Variants in CLCN1 observed in about 807,000 individuals in gnomAD.
CLCN1 encodes chloride channel protein 1.
A neutral mutation model predicts 114.5 loss-of-function variants in CLCN1; 100 were observed. The observed-to-expected ratio is 0.87, with a 90% confidence interval of 0.74 to 1.03. The LOEUF is 1.03. Among genes scored for constraint, CLCN1 ranks in the 50% least tolerant of loss-of-function variants. The pLI is 0.00. For missense variants in CLCN1, 1,188 were observed against 1,250.0 expected (o/e 0.95, Z 0.75); for synonymous variants, 485 against 487.1 (o/e 1.00, Z 0.06).
rs2367941 is a variant in CLCN1, at chr7:143,332,278, G to T, written c.1167-141G>T. ...CCACCGCACTCGGCCTCAAATATTGGTTTTTTGTGTGAAGAGAATCTTTTT... is the reference window on the plus strand; with the variant it reads ...CCACCGCACTCGGCCTCAAATATTGTTTTTTTGTGTGAAGAGAATCTTTTT... On this transcript the variant is annotated intron_variant, in intron 10 of 22. Coordinates refer to ENST00000343257, the MANE Select transcript of CLCN1 (RefSeq NM_000083.3). 0.87 allele frequency: 690,967 copies of T among 795,802 alleles called. 300,352 individuals carry two copies. The highest frequency in any genetic ancestry group is 0.93 in the African/African-American group (55,345 of 59,194). 49.3% of individuals were successfully genotyped at this position (795,802 alleles called of 1,614,324 possible).
intron 7 of CLCN1, among the ~76,000 whole-genome samples, chr7:143,327,733 CAACCTCT>C (rs1204099800): frequency 1.3e-5 from 2 of 152,194 alleles, no homozygotes; most frequent in Non-Finnish European, 2.9e-5. Flanking sequence ...TGGCTCACTG[CAACCTCT>C]GTCTCCTGGG....
intron 20 of CLCN1, among the ~76,000 whole-genome samples, chr7:143,348,198 A>G (rs1373034185): frequency 6.6e-6 from 1 of 152,134 alleles, no homozygotes; most frequent in Non-Finnish European, 1.5e-5. Flanking sequence ...CCCTCAAAAC[A>G]CACACACTTC....
Position 143,342,451 on chromosome 7 carries a change from C to T in CLCN1, c.1876C>T (p.Arg626Ter), listed in dbSNP as rs201894078. The change falls in exon 16 of 23, where the codon CGA (arginine) becomes TGA (stop). Residue 626 changes from arginine to a stop codon, truncating the protein, a stop_gained. Coordinates refer to ENST00000343257, the MANE Select transcript of CLCN1 (RefSeq NM_000083.3). LOFTEE classifies it high-confidence loss of function. ...VSASYTYGELRTLLQTTTVKT... is the reference protein window; with the variant it reads ...VSASYTYGEL ...AGCTTCTTACACATATGGGGAGTTGCGAACCCTGCTCCAGACCACCACAGT... is the reference window on the plus strand; with the variant it reads ...AGCTTCTTACACATATGGGGAGTTGTGAACCCTGCTCCAGACCACCACAGT... The T allele has an allele frequency of 6.2e-6, 10 of 1,613,888 alleles. No homozygotes were observed. Among genetic ancestry groups the T allele is most frequent in the East Asian group, 4.5e-5 (2 of 44,874 alleles).
At chr7:143,331,179 C>T (rs1802713117) in intron 8 of CLCN1, 53 bp from the exon 9 acceptor site, 1 of 1,315,654 alleles carries the variant, frequency 7.6e-7, no homozygotes, top group African/African-American at 1.4e-5. Flanking sequence ...CTCTGTTTCC[C>T]TGTTGGGTTT....
intron 16 of CLCN1, among the ~76,000 whole-genome samples, chr7:143,343,818 TTC>T (rs1803155117): frequency 2.7e-5 from 4 of 150,794 alleles, no homozygotes; most frequent in East Asian, 2.0e-4. Context: ...CCCTCTCTCT[TTC>T]TCTCTCTCTC....
chr7:143,342,390 T>C lies in CLCN1; in HGVS notation c.1815T>C (p.Val605=), dbSNP rs141945240. The C allele has an allele frequency of 2.7e-4, 428 of 1,614,166 alleles. 1 individual carries two copies. The African/African-American group carries it at 2.7e-3, about 10-fold the overall frequency. The change falls in exon 16 of 23, where the codon GTT becomes GTC. Residue 605 remains valine (V), a synonymous_variant. Transcript: ENST00000343257. ...TCCATAGCAAATATACCATCTTTGT[T>C]GAGGACATCATGGTACGTGATGTGA... The part of the protein sequence containing the change: ...WNQLSKYTIF[V]EDIMVRDVKF...
At chr7:143,335,678 G>GTTTTTTT (rs1802862742) in intron 12 of CLCN1, among the ~76,000 whole-genome samples, 1 of 72,902 alleles carries the variant, frequency 1.4e-5, no homozygotes. Flanking sequence ...TTTTTTTTTT[G>GTTTTTTT]ATTCGGAATC....
rs775295032 is a variant in CLCN1 at position 143,321,821 on chromosome 7, G to A, written c.669G>A (p.Leu223=). 6.2e-7 allele frequency: 1 copy of A among 1,614,216 alleles called. No individual in the cohort carries two copies. Among genetic ancestry groups the A allele is most frequent in the South Asian group, 1.1e-5 (1 of 91,082 alleles). ...AGGTTGTCGCCCTGACTGCGGGCCT[G>A]GGCAGTGGCATCCCCGTGGGGAAAG... ...VAKVVALTAG[L]GSGIPVGKEG... Residue 223 remains leucine (L), a synonymous_variant, in exon 5 of 23, where the codon CTG becomes CTA. Transcript: ENST00000343257. This position sits in a 1 kb window ranked among gnomAD's most constrained non-coding sequence, Gnocchi z 4.2.
intron 11 of CLCN1, 32 bp downstream of exon 11, chr7:143,332,535 G>A: frequency 6.4e-7 from 1 of 1,574,224 alleles, no homozygotes; most frequent in Non-Finnish European, 8.7e-7. Context: ...ATGGTAAAGA[G>A]GAAACAGCAC....
Position 143,346,186 on chromosome 7 carries a change from C to T in CLCN1, c.2219C>T (p.Ser740Phe), listed in dbSNP as rs139262486. 1.2e-6 allele frequency: 2 copies of T among 1,613,666 alleles called. No homozygotes were observed. The highest frequency in any genetic ancestry group is 4.5e-5 in the East Asian group (2 of 44,834). The part of the protein sequence containing the change: ...ALHPSTTAPL[S>F]PEEPNGPLPG... ...CACCCCTCTACTACTGCCCCTCTGT[C>T]CCCAGAAGAGCCCAATGGGCCTCTG... The change falls in exon 18 of 23, where the codon TCC becomes TTC. Residue 740 changes from serine to phenylalanine, a missense_variant. Physicochemically the swap from Ser to Phe is radical, Grantham distance 155 (BLOSUM62 -2). Transcript: ENST00000343257.
At position 143,345,547 on chromosome 7, in the gene CLCN1, G is replaced by C; in HGVS notation, c.1957G>C (p.Glu653Gln). The C allele has an allele frequency of 6.5e-7, 1 of 1,540,748 alleles. No individual in the cohort carries two copies. Among genetic ancestry groups the C allele is most frequent in the Non-Finnish European group, 8.8e-7 (1 of 1,139,510 alleles). ...KDSMILLGSVERSELQALLQR... is the reference protein window; with the variant it reads ...KDSMILLGSVQRSELQALLQR... Reference sequence around the variant, plus strand: ...TTCAATGATCCTGCTGGGCTCGGTGGAGCGGTCGGAACTGCAGGCCCTCCT... The same window carrying C: ...TTCAATGATCCTGCTGGGCTCGGTGCAGCGGTCGGAACTGCAGGCCCTCCT... Residue 653 changes from glutamate (E) to glutamine (Q), a missense_variant, in exon 17 of 23, where the codon GAG becomes CAG. Glu to Gln is a conservative substitution (Grantham distance 29, BLOSUM62 2). Coordinates refer to ENST00000343257, the MANE Select transcript of CLCN1 (RefSeq NM_000083.3).
intron 1 of CLCN1, among the ~76,000 whole-genome samples, chr7:143,317,953 T>C (rs898593758): frequency 6.6e-6 from 1 of 152,228 alleles, no homozygotes; most frequent in Non-Finnish European, 1.5e-5. Flanking sequence ...TGGCACTTCC[T>C]GATGACAGTT....
chr7:143,317,567 T>G (rs920351359), intron 1 of CLCN1, among the ~76,000 whole-genome samples: 1 of 151,288 alleles, frequency 6.6e-6, no homozygotes, highest in South Asian at 2.1e-4. Context: ...CTTAAAAGGC[T>G]TTTTTTTCTT....
chr7:143,329,600 A>G (rs1802668592), intron 7 of CLCN1, among the ~76,000 whole-genome samples: 1 of 152,178 alleles, frequency 6.6e-6, no homozygotes, highest in Non-Finnish European at 1.5e-5. Context: ...GCCTTTGAAT[A>G]TAGCACAGGG....
rs1803298986 is a variant in CLCN1 at position 143,347,885 on chromosome 7, CAG to C, written c.2403+938_2403+939del. Among the ~76,000 whole-genome samples the C allele has an allele frequency of 4.6e-5, 7 of 152,152 alleles. No homozygotes were observed. The South Asian group carries it at 1.5e-3, about 32-fold the overall frequency. ...AATGTGCTTGGTTGTCAGGAGGGAA[CAG>C]AATGTGGACTAGTGATTGGAAGCAG... On this transcript the variant is annotated intron_variant, in intron 20 of 22. Coordinates refer to ENST00000343257, the MANE Select transcript of CLCN1 (RefSeq NM_000083.3).
chr7:143,323,417 C>T (rs1802496863), intron 6 of CLCN1, 31 bp downstream of exon 6: 2 of 1,496,544 alleles, frequency 1.3e-6, no homozygotes, highest in African/African-American at 2.8e-5. Context: ...TGAGCTGGGG[C>T]CAGGTGGTAG....
intron 12 of CLCN1, among the ~76,000 whole-genome samples, chr7:143,337,997 A>T (rs1967618): frequency 0.44 from 66,365 of 149,998 alleles, 15,140 homozygotes; most frequent in African/African-American, 0.56. Context: ...TGGCTAATTT[A>T]TTTTTTATTT....
chr7:143,330,654 C>T (rs1237971177), intron 7 of CLCN1, 118 bp from the exon 8 acceptor site: 3 of 1,339,304 alleles, frequency 2.2e-6, no homozygotes, highest in Admixed American at 1.8e-5. Context: ...TTACTTTCCA[C>T]TACTGCTTCC....
rs760440784 is a variant in CLCN1, at chr7:143,320,646, T to TC, written c.302-15dup. On this transcript the variant is annotated splice_polypyrimidine_tract_variant and intron_variant, in intron 2 of 22. Transcript: ENST00000343257. ...GTTTGTTGTTTGTTTGTTTGTTTTT[T>TC]CCCTCATCTCTTCCTAGATTGTATC... 6.2e-7 allele frequency: 1 copy of TC among 1,610,630 alleles called. No individual in the cohort carries two copies. Among genetic ancestry groups the TC allele is most frequent in the Non-Finnish European group, 8.5e-7 (1 of 1,177,264 alleles).
Sources: gnomAD v4.1 joint callset for allele counts (sites outside exome capture counted in the v4.1 genomes callset) on GRCh38, gnomAD v4.1.1 for gene constraint, Gnocchi (gnomAD v3.1) non-coding constraint, MANE v1.5 for transcripts, NCBI Gene and HGNC (gene_info 2026-07-23, HGNC 2026-07-21) for gene names.